LPAR3: variants seen among roughly 807,000 people sequenced by gnomAD.
The protein encoded by LPAR3 is LPA receptor 3.
A neutral mutation model predicts 17.8 loss-of-function variants in LPAR3; 7 were observed. That is an observed-to-expected ratio of 0.39 (90% CI 0.22 to 0.74). The LOEUF (loss-of-function observed/expected upper bound fraction) is 0.74, where lower values mean the gene tolerates loss of function less well. LPAR3 is among the 30% of genes least tolerant of loss of function. The pLI is 0.40. For missense variants in LPAR3, 391 were observed against 453.4 expected, an observed-to-expected ratio of 0.86 and a Z score of 1.25; for synonymous variants, 179 against 179.9, an observed-to-expected ratio of 0.99 and a Z score of 0.04.
chr1:84,885,254 T>C (rs76546214), intron 1 of LPAR3, among the ~76,000 whole-genome samples: 3,575 of 152,196 alleles, frequency 0.023, 130 homozygotes, highest in African/African-American at 0.079. Context: ...GGTTGAGAAA[T>C]CCTGACCTAG....
intron 2 of LPAR3, among the ~76,000 whole-genome samples, chr1:84,865,087 C>T (rs954268182): frequency 5.9e-5 from 9 of 152,112 alleles, no homozygotes; most frequent in African/African-American, 7.2e-5. Context: ...AAAGTGCAAA[C>T]GATACCTGCT....
chr1:84,835,348 C>A (rs1557593797), intron 2 of LPAR3, among the ~76,000 whole-genome samples: 1 of 152,326 alleles, frequency 6.6e-6, no homozygotes, highest in Non-Finnish European at 1.5e-5. Flanking sequence ...TACCCCACAG[C>A]ATTTCTGGTT....
chr1:84,836,006 C>CTTT (rs34491570), intron 2 of LPAR3, among the ~76,000 whole-genome samples: 1,325 of 61,706 alleles, frequency 0.021, 297 homozygotes, highest in African/African-American at 0.048. Context: ...CAACCCCGGC[C>CTTT]TTTTTTTTTT....
Position 84,813,774 on chromosome 1 carries a change from T to C in LPAR3, c.*72A>G. The stretch of plus-strand genomic sequence containing the variant: ...AAATAACACTGTACATGGGCTTTGT[T>C]AGAGACAGGTAATCATTCTTAACAG... On this transcript the variant is annotated 3_prime_UTR_variant, in exon 3 of 3. Transcript: ENST00000370611. The C allele has an allele frequency of 8.2e-7, 1 of 1,226,922 alleles. No homozygotes were observed. The highest frequency in any genetic ancestry group is 1.4e-5 in the South Asian group (1 of 73,124). The allele number at this position is 1,226,922 out of a possible 1,614,324, so 76.0% of individuals were successfully genotyped here.
intron 2 of LPAR3, among the ~76,000 whole-genome samples, chr1:84,831,623 T>C (rs1304598916): frequency 2.0e-5 from 3 of 151,948 alleles, no homozygotes; most frequent in African/African-American, 7.2e-5. Context: ...ACTTAAATAG[T>C]ACAAGTAACT....
chr1:84,848,629 C>T (rs190950275), intron 2 of LPAR3, among the ~76,000 whole-genome samples: 1 of 152,294 alleles, frequency 6.6e-6, no homozygotes, highest in African/African-American at 2.4e-5. Context: ...TCTTGTAAGA[C>T]AATCTCTATG....
chr1:84,882,367 T>C (rs1461088599), intron 1 of LPAR3, among the ~76,000 whole-genome samples: 1 of 152,180 alleles, frequency 6.6e-6, no homozygotes, highest in Non-Finnish European at 1.5e-5. Flanking sequence ...ATACATTTCA[T>C]GTTCATGAAT....
chr1:84,851,105 A>G (rs769760167), intron 2 of LPAR3, among the ~76,000 whole-genome samples: 2 of 152,264 alleles, frequency 1.3e-5, no homozygotes, highest in Non-Finnish European at 2.9e-5. Context: ...TAATGGCAGC[A>G]TCACCTTCTA....
chr1:84,829,762 T>G (rs1659246982), intron 2 of LPAR3, among the ~76,000 whole-genome samples: 1 of 152,142 alleles, frequency 6.6e-6, no homozygotes, highest in Non-Finnish European at 1.5e-5. Context: ...TGAGCAAACT[T>G]TCAAAGTTTG....
At chr1:84,887,870 T>C (rs1557611556) in intron 1 of LPAR3, among the ~76,000 whole-genome samples, 1 of 152,112 alleles carries the variant, frequency 6.6e-6, no homozygotes, top group Non-Finnish European at 1.5e-5. Context: ...AGAAGAGACA[T>C]GGTAACTAAA....
In LPAR3 at chr1:84,812,502, C is replaced by T. The variant is rs1658834991; in HGVS notation, c.*1344G>A. ...CTAGAGTGCAGTGCTGCGATCTTGG[C>T]TCACTCTGCAACCTCCACCTCCCGG... On this transcript the variant is annotated 3_prime_UTR_variant, in exon 3 of 3. Coordinates refer to ENST00000370611, the MANE Select transcript of LPAR3 (RefSeq NM_012152.3). 1 of 143,102 alleles carries T rather than the reference C, an allele frequency of 7.0e-6. No individual in the cohort carries two copies. The highest frequency in any genetic ancestry group is 1.5e-5 in the Non-Finnish European group (1 of 66,900). The allele number at this position is 143,102 out of a possible 1,614,324, so 8.9% of individuals were successfully genotyped here.
rs1658817835 is a variant in LPAR3, at chr1:84,811,790, CA to C, written c.*2055del. 1 of 152,084 alleles carries C rather than the reference CA, an allele frequency of 6.6e-6. No homozygotes were observed. Among genetic ancestry groups the C allele is most frequent in the Admixed American group, 6.5e-5 (1 of 15,272 alleles). 9.4% of individuals were successfully genotyped at this position (152,084 alleles called of 1,614,324 possible). On this transcript the variant is annotated 3_prime_UTR_variant, in exon 3 of 3. Coordinates refer to ENST00000370611, the MANE Select transcript of LPAR3 (RefSeq NM_012152.3). The stretch of plus-strand genomic sequence containing the variant: ...TAGTTCTTGCACATAAATGTTATAT[CA>C]CAATAGCAAAAAAATGTAAACTTCT...
chr1:84,813,900 C>T lies in LPAR3; in HGVS notation c.1008G>A (p.Gln336=). Residue 336 remains glutamine (Q), a synonymous_variant, in exon 3 of 3, where the codon CAG becomes CAA. Transcript: ENST00000370611. ...CTTGGCTAATACTATCCTCTATGTA[C>T]TGGCTGCCTGTGTCACTCCTGCTGA... ...TVLSRSDTGS[Q]YIEDSISQGA... is the part of the protein sequence containing the mutation. 2.5e-6 allele frequency: 4 copies of T among 1,614,144 alleles called. No homozygotes were observed. The highest frequency in any genetic ancestry group is 1.1e-5 in the South Asian group (1 of 91,082).
intron 1 of LPAR3, among the ~76,000 whole-genome samples, chr1:84,881,940 T>A (rs1660374133): frequency 6.6e-6 from 1 of 152,154 alleles, no homozygotes; most frequent in African/African-American, 2.4e-5. Context: ...GGATGCCCAC[T>A]CTTATCACTG....
chr1:84,814,164 A>G lies in LPAR3; in HGVS notation c.744T>C (p.Phe248=). 1 of 1,613,564 alleles carries G rather than the reference A, an allele frequency of 6.2e-7. No individual in the cohort carries two copies. Among genetic ancestry groups the G allele is most frequent in the Non-Finnish European group, 8.5e-7 (1 of 1,179,796 alleles). ...CCAGGCCCGGGGTCCAGCATACCAC[A>G]AACGCCCCTGCAAGGAGAGAAGAGG... is the stretch of plus-strand genomic sequence containing the variant. ...MKTVMTVLGA[F]VVCWTPGLVV... Residue 248 remains phenylalanine, a synonymous_variant, in exon 3 of 3, where the codon TTT becomes TTC. Transcript: ENST00000370611.
intron 2 of LPAR3, among the ~76,000 whole-genome samples, chr1:84,819,671 G>C (rs1423922343): frequency 6.6e-6 from 1 of 152,160 alleles, no homozygotes; most frequent in Non-Finnish European, 1.5e-5. Flanking sequence ...TTGCATTTGG[G>C]AAAATGTTTG....
intron 1 of LPAR3, among the ~76,000 whole-genome samples, chr1:84,879,388 T>G (rs1282585925): frequency 1.4e-5 from 2 of 147,874 alleles, no homozygotes; most frequent in East Asian, 3.9e-4. Context: ...CTAGGCTCAC[T>G]GCAAGCTCTG....
chr1:84,824,474 C>G (rs1659114648), intron 2 of LPAR3, among the ~76,000 whole-genome samples: 2 of 152,120 alleles, frequency 1.3e-5, no homozygotes, highest in South Asian at 4.1e-4. Flanking sequence ...TGAAATGAAA[C>G]CTACTTATCC....
intron 1 of LPAR3, among the ~76,000 whole-genome samples, chr1:84,867,552 A>C: frequency 6.7e-6 from 1 of 150,200 alleles, no homozygotes; most frequent in East Asian, 2.0e-4. Context: ...TCTTTTTTTT[A>C]ATTTATATTT....
Sources: gnomAD v4.1 joint callset for allele counts (sites outside exome capture counted in the v4.1 genomes callset) on GRCh38, gnomAD v4.1.1 for gene constraint, MANE v1.5 for transcripts, NCBI Gene and HGNC (gene_info 2026-07-23, HGNC 2026-07-21) for gene names.